MINK1: variants seen among roughly 807,000 people sequenced by gnomAD.
MINK1 encodes misshapen-like kinase 1.
MINK1 carries 46 observed loss-of-function variants against 178.4 expected under a neutral mutation model. The ratio of observed to expected loss-of-function variants is 0.26; its 90% CI spans 0.20 to 0.33. The LOEUF (loss-of-function observed/expected upper bound fraction) is 0.33, where lower values mean the gene tolerates loss of function less well. MINK1 is among the 10% of genes least tolerant of loss of function. The pLI is 1.00. For synonymous variants in MINK1, 797 were observed against 709.7 expected (o/e 1.12, Z -1.96); for missense variants, 1,366 against 1,814.9 (o/e 0.75, Z 4.49).
intron 1 of MINK1, among the ~76,000 whole-genome samples, chr17:4,875,779 A>C (rs1353357147): frequency 1.3e-5 from 2 of 151,672 alleles, no homozygotes; most frequent in African/African-American, 4.8e-5. Flanking sequence ...TTCAAAAAAA[A>C]TGAATAAATT....
Position 4,892,238 on chromosome 17 carries a change from A to T in MINK1, c.2087+4A>T, listed in dbSNP as rs1212010211. 6.4e-7 allele frequency: 1 copy of T among 1,571,408 alleles called. No homozygotes were observed. The highest frequency in any genetic ancestry group is 8.6e-7 in the Non-Finnish European group (1 of 1,158,886). ...CAGCCCAGGCAGTCCGTGCCAGGTA[A>T]TGCCTGGGTAGGGCAACGCCTGGGT... On this transcript the variant is annotated splice_donor_region_variant and intron_variant, in intron 17 of 31. Coordinates refer to ENST00000355280, the MANE Select transcript of MINK1 (RefSeq NM_153827.5).
At chr17:4,871,242 G>T (rs1226709961) in intron 1 of MINK1, among the ~76,000 whole-genome samples, 1 of 148,030 alleles carries the variant, frequency 6.8e-6, no homozygotes, top group Non-Finnish European at 1.5e-5. Context: ...CCAGGCTGGG[G>T]TGCAGTGGTG....
At chr17:4,859,630 A>C (rs1019744740) in intron 1 of MINK1, among the ~76,000 whole-genome samples, 4 of 151,926 alleles carry the variant, frequency 2.6e-5, no homozygotes, top group South Asian at 2.1e-4. Flanking sequence ...TCTACTAAAA[A>C]TACAAAAATT....
rs779181950 is a variant in MINK1, at chr17:4,896,638, G to C, written c.3776-36G>C. 3.7e-6 allele frequency: 6 copies of C among 1,609,662 alleles called. No homozygotes were observed. The highest frequency in any genetic ancestry group is 5.1e-6 in the Non-Finnish European group (6 of 1,177,254). On this transcript the variant is annotated intron_variant, in intron 30 of 31. Coordinates refer to ENST00000355280, the MANE Select transcript of MINK1 (RefSeq NM_153827.5). This position sits in a 1 kb window ranked among gnomAD's most constrained non-coding sequence, Gnocchi z 4.6. ...CCACATGCCCCGAGGTGGCCCCGGG[G>C]TGCAGCCTGCTCAGCCCCTCACCTG...
chr17:4,889,788 G>A (rs1226667606), intron 13 of MINK1, 25 bp downstream of exon 13: 5 of 1,431,868 alleles, frequency 3.5e-6, no homozygotes, highest in Non-Finnish European at 4.6e-6. Flanking sequence ...CCGCATCCCT[G>A]CCCTCCCGCC....
chr17:4,873,617 CTTTTTTTTTTT>C (rs71367860), intron 1 of MINK1, among the ~76,000 whole-genome samples: 1 of 108,086 alleles, frequency 9.3e-6, no homozygotes, highest in African/African-American at 3.6e-5. Context: ...TTTTTCTTTT[CTTTTTTTTTTT>C]TTTTTTTTGA....
chr17:4,889,769 G>A lies in MINK1; in HGVS notation c.1347+6G>A, dbSNP rs754169690. 27 of 1,527,822 alleles carry A rather than the reference G, an allele frequency of 1.8e-5. No individual in the cohort carries two copies. Among genetic ancestry groups the A allele is most frequent in the Admixed American group, 4.0e-5 (2 of 50,484 alleles). The allele number at this position is 1,527,822 out of a possible 1,614,324, so 94.6% of individuals were successfully genotyped here. A position where few individuals can be genotyped will look rare whatever the true frequency, so the allele number is the denominator to read the frequency against. Reference sequence around the variant, plus strand: ...GGCAGGCGGAGCGCGAGCAGGTAGAGCGCCGCACCCGCATCCCTGCCCTCC... The same window carrying A: ...GGCAGGCGGAGCGCGAGCAGGTAGAACGCCGCACCCGCATCCCTGCCCTCC... On this transcript the variant is annotated splice_donor_region_variant and intron_variant, in intron 13 of 31. Coordinates refer to ENST00000355280, the MANE Select transcript of MINK1 (RefSeq NM_153827.5).
At chr17:4,862,911 C>T (rs543085981) in intron 1 of MINK1, among the ~76,000 whole-genome samples, 1 of 151,844 alleles carries the variant, frequency 6.6e-6, no homozygotes, top group African/African-American at 2.4e-5. Context: ...GGTGCATGCC[C>T]GTGGTTCCAG....
At chr17:4,847,517 A>G (rs1911229919) in intron 1 of MINK1, among the ~76,000 whole-genome samples, 3 of 152,208 alleles carry the variant, frequency 2.0e-5, no homozygotes, top group Admixed American at 2.0e-4. Context: ...CTTCAGGCCC[A>G]GGAGTCCTTA....
chr17:4,868,061 C>G (rs1192383173), intron 1 of MINK1, among the ~76,000 whole-genome samples: 4 of 151,384 alleles, frequency 2.6e-5, no homozygotes, highest in Non-Finnish European at 4.4e-5. Flanking sequence ...ACTGCAACCT[C>G]CACCTTCCAG....
At chr17:4,854,873 AAG>A (rs1284599453) in intron 1 of MINK1, 2 of 442,020 alleles carry the variant, frequency 4.5e-6, no homozygotes, top group East Asian at 7.0e-5. Context: ...TTCAGAGAGT[AAG>A]AAGCGCTGAG....
intron 13 of MINK1, chr17:4,890,052 G>A: frequency 2.0e-6 from 1 of 505,544 alleles, no homozygotes; most frequent in Non-Finnish European, 3.5e-6. Flanking sequence ...GTGCCGCATG[G>A]CCCCCTGGGG....
intron 1 of MINK1, among the ~76,000 whole-genome samples, chr17:4,876,172 C>G (rs1479825943): frequency 6.6e-6 from 1 of 152,092 alleles, no homozygotes; most frequent in Non-Finnish European, 1.5e-5. Context: ...CTGGTCAGCC[C>G]AGTCCCCTTC....
At position 4,836,301 on chromosome 17, in the gene MINK1, T is replaced by A. The variant is rs1037443238; in HGVS notation, c.57+2661T>A. ...ATAAGGCTTGGTTTTCAGCTGGTGA[T>A]GAGGGTAATCGTCTGATATTAGGGA... On this transcript the variant is annotated intron_variant, in intron 1 of 31. Coordinates refer to ENST00000355280, the MANE Select transcript of MINK1 (RefSeq NM_153827.5). This position sits in a 1 kb window ranked among gnomAD's most constrained non-coding sequence, Gnocchi z 4.3. Among the ~76,000 whole-genome samples, 3 of 152,200 alleles carry A rather than the reference T, an allele frequency of 2.0e-5. No individual in the cohort carries two copies. The highest frequency in any genetic ancestry group is 2.0e-4 in the Admixed American group (3 of 15,266).
chr17:4,893,934 C>T, intron 21 of MINK1, 54 bp from the exon 22 acceptor site: 5 of 1,425,310 alleles, frequency 3.5e-6, no homozygotes, highest in Non-Finnish European at 3.8e-6. Flanking sequence ...CTGCCTTTGG[C>T]ACTTCTGTGG....
intron 1 of MINK1, among the ~76,000 whole-genome samples, chr17:4,851,338 G>T (rs1354447468): frequency 1.3e-5 from 2 of 152,172 alleles, no homozygotes; most frequent in African/African-American, 4.8e-5. Context: ...TTATACAGAA[G>T]AGTCAGAACC....
At chr17:4,853,737 C>G (rs1174909215) in intron 1 of MINK1, among the ~76,000 whole-genome samples, 1 of 152,052 alleles carries the variant, frequency 6.6e-6, no homozygotes, top group Non-Finnish European at 1.5e-5. Context: ...CTTGATTCTG[C>G]TGATCTCGGA....
At chr17:4,876,861 G>C (rs905804820) in intron 1 of MINK1, among the ~76,000 whole-genome samples, 2 of 152,046 alleles carry the variant, frequency 1.3e-5, no homozygotes, top group Non-Finnish European at 2.9e-5. Context: ...GCCAAGGCAG[G>C]AGGACTGCTT....
At chr17:4,866,589 T>G (rs1433634539) in intron 1 of MINK1, among the ~76,000 whole-genome samples, 4 of 144,096 alleles carry the variant, frequency 2.8e-5, no homozygotes, top group Admixed American at 7.1e-5. Flanking sequence ...CTGAGCAACA[T>G]AGTGAGACCC....
Sources: gnomAD v4.1 joint callset for allele counts (sites outside exome capture counted in the v4.1 genomes callset) on GRCh38, gnomAD v4.1.1 for gene constraint, Gnocchi (gnomAD v3.1) non-coding constraint, MANE v1.5 for transcripts, NCBI Gene and HGNC (gene_info 2026-07-23, HGNC 2026-07-21) for gene names.